CELF6: variants seen among roughly 807,000 people sequenced by gnomAD.
CELF6 encodes the protein Bruno -like 6, RNA binding protein.
CELF6 carries 32 observed loss-of-function variants against 53.1 expected under a neutral mutation model. The ratio of observed to expected loss-of-function variants is 0.60; its 90% confidence interval spans 0.46 to 0.81. The LOEUF is 0.81. CELF6 is among the 30% of genes least tolerant of loss of function. The pLI, the probability that CELF6 is intolerant of heterozygous loss-of-function variation, is 0.00. For synonymous variants in CELF6, 291 were observed against 288.8 expected (o/e 1.01, Z -0.08); for missense variants, 539 against 669.5 (o/e 0.81, Z 2.15).
At chr15:72,313,817 T>TA in intron 2 of CELF6, 5 of 796,320 alleles carry the variant, frequency 6.3e-6, no homozygotes, top group Non-Finnish European at 7.6e-6. Flanking sequence ...ATGCTGCTGT[T>TA]ACTATTACTG....
In CELF6 at chr15:72,299,037, A is replaced by G. The variant is rs140894462; in HGVS notation, c.394+5709T>C. ...AGCCTGGGCAACATGGTGAAACCCC[A>G]TTTCTACTAAAAATGCAAAAATTGG... On this transcript the variant is annotated intron_variant, in intron 3 of 12. Transcript: ENST00000287202. Among the ~76,000 whole-genome samples the G allele has an allele frequency of 6.4e-3, 980 of 152,166 alleles. 5 individuals carry two copies. Among genetic ancestry groups the G allele is most frequent in the Non-Finnish European group, 0.01 (712 of 67,992 alleles).
At chr15:72,299,708 G>C (rs1160859489) in intron 3 of CELF6, among the ~76,000 whole-genome samples, 2 of 152,162 alleles carry the variant, frequency 1.3e-5, no homozygotes, top group African/African-American at 4.8e-5. Context: ...TATGTTAGGA[G>C]ATAGTTTCAT....
chr15:72,292,203 A>T lies in CELF6; in HGVS notation c.395-1948T>A, dbSNP rs1322719159. 8 of 1,535,044 alleles carry T rather than the reference A, an allele frequency of 5.2e-6. No individual in the cohort carries two copies. The South Asian group carries it at 9.5e-5, about 18-fold the overall frequency. On this transcript the variant is annotated intron_variant, in intron 3 of 12. Transcript: ENST00000287202. The stretch of plus-strand genomic sequence containing the variant: ...AGCCCTTTGAAATTACTGACCTAGA[A>T]GATAGAGAACAGAGTTCCAGCTGTT...
Position 72,319,469 on chromosome 15 carries a change from TG to T in CELF6, c.262+143del. On this transcript the variant is annotated intron_variant, in intron 1 of 12. Transcript: ENST00000287202. The surrounding 1 kb of genome is among the most constrained non-coding windows in gnomAD (Gnocchi z 5.0). ...ATGTCAGAGAGAAAATTCTGTGATCTGGGAAGGGGGCTGGGCTGAGGTGGGG... is the reference window on the plus strand; with the variant it reads ...ATGTCAGAGAGAAAATTCTGTGATCTGGAAGGGGGCTGGGCTGAGGTGGGG... The T allele has an allele frequency of 1.2e-6, 1 of 865,970 alleles. No individual in the cohort carries two copies. Among genetic ancestry groups the T allele is most frequent in the Non-Finnish European group, 1.7e-6 (1 of 592,284 alleles). The allele number at this position is 865,970 out of a possible 1,614,324, so 53.6% of individuals were successfully genotyped here.
At chr15:72,303,809 G>T (rs1417718118) in intron 3 of CELF6, among the ~76,000 whole-genome samples, 2 of 152,098 alleles carry the variant, frequency 1.3e-5, no homozygotes, top group East Asian at 3.9e-4. Flanking sequence ...GAACCCAGCT[G>T]GTTAGAAGAA....
intron 2 of CELF6, among the ~76,000 whole-genome samples, chr15:72,310,537 CA>C (rs1325664822): frequency 2.3e-5 from 3 of 133,278 alleles, no homozygotes; most frequent in Non-Finnish European, 4.8e-5. Context: ...ACACCATAGC[CA>C]GAGTAATCTT....
rs568898406 is a variant in CELF6, at chr15:72,312,133, C to T, written c.345+3712G>A. On this transcript the variant is annotated intron_variant, in intron 2 of 12. Transcript: ENST00000287202. ...AGGCCTCACCCTCTTCAGGTGGATT[C>T]TGGAGCATAAAGTGAGGCTAAAAGA... Among the ~76,000 whole-genome samples the T allele has an allele frequency of 1.1e-4, 16 of 152,244 alleles. No individual in the cohort carries two copies. The East Asian group carries it at 2.7e-3, about 26-fold the overall frequency.
intron 12 of CELF6, among the ~76,000 whole-genome samples, chr15:72,287,014 T>C (rs927754666): frequency 1.6e-4 from 25 of 152,380 alleles, no homozygotes; most frequent in African/African-American, 5.8e-4. Context: ...AGACTCTGAT[T>C]GTCTCTCCTA....
intron 3 of CELF6, among the ~76,000 whole-genome samples, chr15:72,299,578 C>G (rs527281537): frequency 1.3e-4 from 20 of 152,108 alleles, no homozygotes; most frequent in African/African-American, 4.6e-4. Context: ...CCAGGCTGGT[C>G]TTGAACTCCT....
Position 72,306,482 on chromosome 15 carries a change from C to T in CELF6, c.346-1688G>A, listed in dbSNP as rs181470078. Among the ~76,000 whole-genome samples the T allele has an allele frequency of 2.4e-3, 353 of 147,252 alleles. 1 individual carries two copies. The highest frequency in any genetic ancestry group is 7.8e-3 in the Admixed American group (114 of 14,684). On this transcript the variant is annotated intron_variant, in intron 2 of 12. Transcript: ENST00000287202. ...AAGTGCTACCCAGTAACCATGGTAACGCCCTGGCAGTCACAGTTGAGCAAT... is the reference window on the plus strand; with the variant it reads ...AAGTGCTACCCAGTAACCATGGTAATGCCCTGGCAGTCACAGTTGAGCAAT...
At chr15:72,298,386 T>A (rs777268308) in intron 3 of CELF6, among the ~76,000 whole-genome samples, 30 of 152,246 alleles carry the variant, frequency 2.0e-4, no homozygotes, top group Admixed American at 3.3e-4. Context: ...AACAGATAAT[T>A]GGCTTTTGAG....
chr15:72,292,220 C>G, intron 3 of CELF6: 1 of 1,535,470 alleles, frequency 6.5e-7, no homozygotes, highest in Non-Finnish European at 8.7e-7. Flanking sequence ...GAACAGAGTT[C>G]CAGCTGTTGT....
Position 72,320,129 on chromosome 15 carries a change from C to T in CELF6, c.-255G>A, listed in dbSNP as rs2088413094. On this transcript the variant is annotated 5_prime_UTR_variant, in exon 1 of 13. Transcript: ENST00000287202. ...TGGGGTCTGGCTTGAGGTCCCCGTGCGGCTCTCTCTGGGCTCCCGCCCGAG... is the reference window on the plus strand; with the variant it reads ...TGGGGTCTGGCTTGAGGTCCCCGTGTGGCTCTCTCTGGGCTCCCGCCCGAG... The T allele has an allele frequency of 1.6e-6, 1 of 641,972 alleles. No individual in the cohort carries two copies. The highest frequency in any genetic ancestry group is 2.9e-6 in the Non-Finnish European group (1 of 347,254). 39.8% of individuals were successfully genotyped at this position (641,972 alleles called of 1,614,324 possible).
In CELF6 at chr15:72,284,912, AG is replaced by A. The variant is rs1235405713; in HGVS notation, c.*1458del. The A allele has an allele frequency of 6.6e-6, 1 of 152,578 alleles. No homozygotes were observed. Among genetic ancestry groups the A allele is most frequent in the Non-Finnish European group, 1.5e-5 (1 of 68,066 alleles). The allele number at this position is 152,578 out of a possible 1,614,324, so 9.5% of individuals were successfully genotyped here. On this transcript the variant is annotated 3_prime_UTR_variant, in exon 13 of 13. Coordinates refer to ENST00000287202, the MANE Select transcript of CELF6 (RefSeq NM_052840.5). ...AAGCTGATCCATGCCTGTGGGGTGGAGGGGAAATCCTCCTGGGAAAAATATG... is the reference window on the plus strand; with the variant it reads ...AAGCTGATCCATGCCTGTGGGGTGGAGGGAAATCCTCCTGGGAAAAATATG...
intron 2 of CELF6, among the ~76,000 whole-genome samples, chr15:72,312,643 A>C (rs927845242): frequency 1.3e-5 from 2 of 152,124 alleles, no homozygotes; most frequent in African/African-American, 2.4e-5. Flanking sequence ...AAACACAAAA[A>C]ACAAAAAACA....
Position 72,320,112 on chromosome 15 carries a change from G to C in CELF6, c.-238C>G, listed in dbSNP as rs1390939825. On this transcript the variant is annotated 5_prime_UTR_variant, in exon 1 of 13. Transcript: ENST00000287202. Reference sequence around the variant, plus strand: ...AGGTGGCGGCTGAACGCTGGGGTCTGGCTTGAGGTCCCCGTGCGGCTCTCT... The same window carrying C: ...AGGTGGCGGCTGAACGCTGGGGTCTCGCTTGAGGTCCCCGTGCGGCTCTCT... 4 of 650,600 alleles carry C rather than the reference G, an allele frequency of 6.1e-6. No individual in the cohort carries two copies. The African/African-American group carries it at 7.2e-5, about 12-fold the overall frequency. 40.3% of individuals were successfully genotyped at this position (650,600 alleles called of 1,614,324 possible).
chr15:72,314,250 T>C (rs2088333900), intron 2 of CELF6, among the ~76,000 whole-genome samples: 1 of 152,202 alleles, frequency 6.6e-6, no homozygotes, highest in African/African-American at 2.4e-5. Flanking sequence ...GTGACTTCTT[T>C]ATACTGAGCT....
At chr15:72,293,289 C>G (rs1174627451) in intron 3 of CELF6, among the ~76,000 whole-genome samples, 2 of 152,132 alleles carry the variant, frequency 1.3e-5, no homozygotes, top group African/African-American at 4.8e-5. Context: ...TCTTAAGAGA[C>G]CCGGCCAAAG....
chr15:72,290,021 G>A lies in CELF6; in HGVS notation c.524-3C>T. On this transcript the variant is annotated splice_region_variant and splice_polypyrimidine_tract_variant and intron_variant, in intron 4 of 12. Coordinates refer to ENST00000287202, the MANE Select transcript of CELF6 (RefSeq NM_052840.5). ...CCCGAACTTCACAAAGGCACAGCCTGGGGCAGGACAGAGGGAGCGGGTGGC... is the reference window on the plus strand; with the variant it reads ...CCCGAACTTCACAAAGGCACAGCCTAGGGCAGGACAGAGGGAGCGGGTGGC... 2 of 1,610,774 alleles carry A rather than the reference G, an allele frequency of 1.2e-6. No individual in the cohort carries two copies. Among genetic ancestry groups the A allele is most frequent in the South Asian group, 1.1e-5 (1 of 90,480 alleles).
Sources: gnomAD v4.1 joint callset for allele counts (sites outside exome capture counted in the v4.1 genomes callset) on GRCh38, gnomAD v4.1.1 for gene constraint, Gnocchi (gnomAD v3.1) non-coding constraint, MANE v1.5 for transcripts, NCBI Gene and HGNC (gene_info 2026-07-23, HGNC 2026-07-21) for gene names.